The following SLC5A4 variants were observed in gnomAD, a reference collection of about 807,000 sequenced individuals.
SLC5A4 encodes the protein solute carrier family 5 member 4.
A neutral mutation model predicts 70.3 loss-of-function variants in SLC5A4; 55 were observed. The ratio of observed to expected loss-of-function variants is 0.78; its 90% CI spans 0.63 to 0.98. The LOEUF is 0.98. Among genes scored for constraint, SLC5A4 ranks in the 50% least tolerant of loss-of-function variants. The probability of loss-of-function intolerance (pLI) is 0.00; values close to 1 mark genes in which losing one functional copy is unlikely to be tolerated. For synonymous variants in SLC5A4, 268 were observed against 305.7 expected, an observed-to-expected ratio of 0.88 and a Z score of 1.29; for missense variants, 735 against 839.2, an observed-to-expected ratio of 0.88 and a Z score of 1.53.
At chr22:32,240,200 T>C (rs1332272452) in intron 5 of SLC5A4, among the ~76,000 whole-genome samples, 2 of 152,034 alleles carry the variant, frequency 1.3e-5, no homozygotes, top group African/African-American at 4.8e-5. Flanking sequence ...ATTTAGATTA[T>C]GCAGACTGTG....
chr22:32,297,675 T>TTATTTCTTA, the SLC5A4 span, among the ~76,000 whole-genome samples: 1 of 113,556 alleles, frequency 8.8e-6, no homozygotes, highest in South Asian at 2.8e-4. Flanking sequence ...CTGATTTTAG[T>TTATTTCTTA]TATTTCTTAC....
At chr22:32,314,502 C>G in the SLC5A4 span, among the ~76,000 whole-genome samples, 121 of 152,226 alleles carry the variant, frequency 7.9e-4, no homozygotes, top group African/African-American at 2.7e-3. Flanking sequence ...ACATGTTGAA[C>G]ATATTTTTGA....
At chr22:32,240,022 C>CAA (rs35616277) in intron 5 of SLC5A4, among the ~76,000 whole-genome samples, 66 of 73,982 alleles carry the variant, frequency 8.9e-4, no homozygotes, top group African/African-American at 1.2e-3. Flanking sequence ...GACTCCATCT[C>CAA]AAAAAAAAAA....
chr22:32,270,957 A>C, the SLC5A4 span: 1 of 548,122 alleles, frequency 1.8e-6, no homozygotes, highest in African/African-American at 1.9e-5. Flanking sequence ...AGCGGGGCTC[A>C]CGATGAGCTA....
At chr22:32,251,149 CAAAAAAAAAAAAAAA>C (rs1169115054) in intron 3 of SLC5A4, among the ~76,000 whole-genome samples, 1 of 22,768 alleles carries the variant, frequency 4.4e-5, no homozygotes, top group Non-Finnish European at 8.4e-5. Flanking sequence ...AACAAATAAG[CAAAAAAAAAAAAAAA>C]AAAAAAAAAA....
chr22:32,262,410 G>A, the SLC5A4 span, among the ~76,000 whole-genome samples: 1 of 152,144 alleles, frequency 6.6e-6, no homozygotes, highest in Admixed American at 6.5e-5. Flanking sequence ...GGCTCGGAGG[G>A]GCCTCACTGT....
chr22:32,278,977 T>G, the SLC5A4 span, among the ~76,000 whole-genome samples: 2 of 152,180 alleles, frequency 1.3e-5, no homozygotes, highest in African/African-American at 4.8e-5. Flanking sequence ...AACATATCAT[T>G]TAAAACTTGC....
the SLC5A4 span, among the ~76,000 whole-genome samples, chr22:32,347,566 G>A: frequency 6.6e-6 from 1 of 151,950 alleles, no homozygotes; most frequent in Non-Finnish European, 1.5e-5. Context: ...GGACATGGAT[G>A]AAGCCGGAAA....
the SLC5A4 span, among the ~76,000 whole-genome samples, chr22:32,306,125 T>C: frequency 6.6e-6 from 1 of 152,146 alleles, no homozygotes. Context: ...TAGGGAACAG[T>C]TGACATGACA....
chr22:32,286,685 T>C, the SLC5A4 span, among the ~76,000 whole-genome samples: 1 of 152,152 alleles, frequency 6.6e-6, no homozygotes, highest in Non-Finnish European at 1.5e-5. Flanking sequence ...GTACTATTAA[T>C]GGTAACACAC....
the SLC5A4 span, among the ~76,000 whole-genome samples, chr22:32,351,284 A>T: frequency 6.6e-6 from 1 of 152,128 alleles, no homozygotes; most frequent in Non-Finnish European, 1.5e-5. Context: ...TCATTTTTTG[A>T]TTCCCCAAAT....
chr22:32,237,955 T>C (rs1926158752), intron 6 of SLC5A4, among the ~76,000 whole-genome samples: 1 of 152,132 alleles, frequency 6.6e-6, no homozygotes, highest in South Asian at 2.1e-4. Context: ...TCCCTTATTC[T>C]GAAACACATG....
chr22:32,326,347 C>T, the SLC5A4 span, among the ~76,000 whole-genome samples: 6 of 151,464 alleles, frequency 4.0e-5, no homozygotes, highest in Non-Finnish European at 5.9e-5. Context: ...ATCTCTGCCA[C>T]CCGAGTTCAA....
At chr22:32,305,743 T>G in the SLC5A4 span, among the ~76,000 whole-genome samples, 1 of 129,512 alleles carries the variant, frequency 7.7e-6, no homozygotes, top group Non-Finnish European at 1.6e-5. Context: ...GGTTACTCTG[T>G]CCCCTTGCCT....
chr22:32,262,972 G>A, the SLC5A4 span, among the ~76,000 whole-genome samples: 666 of 152,098 alleles, frequency 4.4e-3, 9 homozygotes, highest in African/African-American at 0.015. Flanking sequence ...GTTTCACTGT[G>A]TTAGCCAGGA....
At chr22:32,244,603 G>A (rs1926715944) in intron 5 of SLC5A4, among the ~76,000 whole-genome samples, 2 of 152,154 alleles carry the variant, frequency 1.3e-5, no homozygotes, top group South Asian at 4.1e-4. Flanking sequence ...CATGATCTTA[G>A]CTCATTATAA....
the SLC5A4 span, among the ~76,000 whole-genome samples, chr22:32,310,080 AT>A: frequency 1.6e-4 from 3 of 18,922 alleles, no homozygotes; most frequent in Admixed American, 6.4e-4. Context: ...AGGACGGGGG[AT>A]GGGGGGGGTG....
the SLC5A4 span, among the ~76,000 whole-genome samples, chr22:32,274,036 A>T: frequency 2.7e-5 from 4 of 146,690 alleles, no homozygotes; most frequent in African/African-American, 5.0e-5. Context: ...AACATTTGAT[A>T]TTCTATTTTT....
intron 5 of SLC5A4, among the ~76,000 whole-genome samples, chr22:32,245,934 A>G (rs1926795823): frequency 6.6e-6 from 1 of 152,176 alleles, no homozygotes; most frequent in Non-Finnish European, 1.5e-5. Flanking sequence ...GACACCTGTG[A>G]GCTTCTCTGC....
Sources: gnomAD v4.1 joint callset for allele counts (sites outside exome capture counted in the v4.1 genomes callset) on GRCh38, gnomAD v4.1.1 for gene constraint, MANE v1.5 for transcripts, NCBI Gene and HGNC (gene_info 2026-07-23, HGNC 2026-07-21) for gene names.